C10orf105: variants seen among roughly 807,000 people sequenced by gnomAD.
C10orf105 encodes chromosome 10 open reading frame 105, also known as uncharacterized protein C10orf105.
In C10orf105, 2 loss-of-function variants were observed where a neutral mutation model predicts 0.6. That is an observed-to-expected ratio of 3.18 (90% CI 1.30 to 10.01). The LOEUF (loss-of-function observed/expected upper bound fraction) is 10.01. Ranked by LOEUF, C10orf105 falls within the 30% of genes most tolerant of loss-of-function variation. The pLI, the probability that C10orf105 is intolerant of heterozygous loss-of-function variation, is 0.04. For missense variants in C10orf105, 209 were observed against 191.4 expected (o/e 1.09, Z -0.54); for synonymous variants, 95 against 82.4 (o/e 1.15, Z -0.83).
chr10:71,728,433 C>T (rs1346583570), intron 1 of C10orf105, among the ~76,000 whole-genome samples: 1 of 152,192 alleles, frequency 6.6e-6, no homozygotes, highest in Non-Finnish European at 1.5e-5. Flanking sequence ...ACCCTCCCCA[C>T]CCCAGAGTCC....
In C10orf105 at chr10:71,713,377, G is replaced by A; in HGVS notation, c.*2559C>T. On this transcript the variant is annotated 3_prime_UTR_variant, in exon 2 of 2. Transcript: ENST00000441508. ...AGAGGCCTCAGTTGCTGGGTGGGGA[G>A]GGAGGCCCGGAGTGAATGAGTCTCT... 1.4e-6 allele frequency: 1 copy of A among 730,928 alleles called. No individual in the cohort carries two copies. Among genetic ancestry groups the A allele is most frequent in the Non-Finnish European group, 2.5e-6 (1 of 396,174 alleles). 45.3% of individuals were successfully genotyped at this position (730,928 alleles called of 1,614,324 possible).
Position 71,713,062 on chromosome 10 carries a change from C to T in C10orf105, c.*2874G>A. ...CCCCACAAACAGGAGGAAGACTTGG[C>T]CTCCCCCTGCATATCTCCCGCCCCA... On this transcript the variant is annotated 3_prime_UTR_variant, in exon 2 of 2. Transcript: ENST00000441508. 2.7e-6 allele frequency: 2 copies of T among 740,880 alleles called. No homozygotes were observed. The highest frequency in any genetic ancestry group is 5.0e-6 in the Non-Finnish European group (2 of 399,216). 45.9% of individuals were successfully genotyped at this position (740,880 alleles called of 1,614,324 possible).
At chr10:71,730,449 C>T in intron 1 of C10orf105, 3 of 1,612,498 alleles carry the variant, frequency 1.9e-6, no homozygotes, top group Non-Finnish European at 2.5e-6. Flanking sequence ...GACCTTGCAC[C>T]CCTGGCCCGG....
chr10:71,730,056 G>A (rs1348157276), intron 1 of C10orf105, among the ~76,000 whole-genome samples: 3 of 152,014 alleles, frequency 2.0e-5, no homozygotes, highest in Non-Finnish European at 4.4e-5. Flanking sequence ...GGATGGTCTC[G>A]ATCTTCTGAC....
chr10:71,725,315 A>T lies in C10orf105; in HGVS notation c.-5-8973T>A, dbSNP rs963009294. On this transcript the variant is annotated intron_variant, in intron 1 of 1. Transcript: ENST00000398786. ...CTGCCCCCAACCATGGCAGGCCAGC[A>T]CAGCAGGAGACTTCTGGGCAGGGCC... 57 of 1,611,878 alleles carry T rather than the reference A, an allele frequency of 3.5e-5. No homozygotes were observed. The Admixed American group carries it at 9.2e-4, about 26-fold the overall frequency.
At position 71,712,848 on chromosome 10, in the gene C10orf105, G is replaced by C; in HGVS notation, c.*3088C>G. The stretch of plus-strand genomic sequence containing the variant: ...CCGTGGCCTCTGGGGCAGGTGGTGG[G>C]CTGGGGGAGGCGGAGCCACACACGG... On this transcript the variant is annotated 3_prime_UTR_variant, in exon 2 of 2. Coordinates refer to ENST00000441508, the MANE Select transcript of C10orf105 (RefSeq NM_001164375.3). 1 of 1,599,780 alleles carries C rather than the reference G, an allele frequency of 6.3e-7. No homozygotes were observed. Among genetic ancestry groups the C allele is most frequent in the Non-Finnish European group, 8.5e-7 (1 of 1,173,420 alleles).
Position 71,716,233 on chromosome 10 carries a change from G to C in C10orf105, c.105C>G (p.Pro35=). ...TPGTLAEATD[P]LPMLIALACI... ...AGGCCAGGGCGATGAGCATGGGGAG[G>C]GGGTCAGTTGCCTCTGCAAGGGTCC... is the stretch of plus-strand genomic sequence containing the variant. The change falls in exon 2 of 2, where the codon CCC becomes CCG. Residue 35 remains proline (P), a synonymous_variant. Coordinates refer to ENST00000441508, the MANE Select transcript of C10orf105 (RefSeq NM_001164375.3). 6.4e-7 allele frequency: 1 copy of C among 1,550,442 alleles called. No homozygotes were observed. The highest frequency in any genetic ancestry group is 8.7e-7 in the Non-Finnish European group (1 of 1,146,472).
chr10:71,732,458 C>CTCTT, intron 1 of C10orf105: 1 of 1,523,556 alleles, frequency 6.6e-7, no homozygotes, highest in Non-Finnish European at 8.8e-7. Flanking sequence ...CAGCACTCTC[C>CTCTT]TCTTTGTCAT....
At chr10:71,725,686 A>T (rs540637080) in intron 1 of C10orf105, among the ~76,000 whole-genome samples, 1 of 152,304 alleles carries the variant, frequency 6.6e-6, no homozygotes, top group African/African-American at 2.4e-5. Flanking sequence ...CCAGCCTGGG[A>T]CTTGGACTTG....
rs934203614 is a variant in C10orf105, at chr10:71,712,957, G to C, written c.*2979C>G. 14 of 984,464 alleles carry C rather than the reference G, an allele frequency of 1.4e-5. No homozygotes were observed. The highest frequency in any genetic ancestry group is 2.0e-5 in the Non-Finnish European group (13 of 639,010). The allele number at this position is 984,464 out of a possible 1,614,324, so 61.0% of individuals were successfully genotyped here. A position where few individuals can be genotyped will look rare whatever the true frequency, so the allele number is the denominator to read the frequency against. On this transcript the variant is annotated 3_prime_UTR_variant, in exon 2 of 2. Coordinates refer to ENST00000441508, the MANE Select transcript of C10orf105 (RefSeq NM_001164375.3). Reference sequence around the variant, plus strand: ...GTCCGCTGCTCTGGAAGGTGCTGTGGGGAAAGGGGGACCCAGGCCCTCTCC... The same window carrying C: ...GTCCGCTGCTCTGGAAGGTGCTGTGCGGAAAGGGGGACCCAGGCCCTCTCC...
At chr10:71,724,067 A>G (rs1320553755), upstream of C10orf105, 1 of 1,560,822 alleles carries the variant, frequency 6.4e-7, no homozygotes, top group Admixed American at 1.9e-5. Context: ...GACGCAGATG[A>G]GGGCGAGTTT....
At chr10:71,725,526 G>C (rs1589376491) in intron 1 of C10orf105, 1 of 1,611,328 alleles carries the variant, frequency 6.2e-7, no homozygotes, top group Non-Finnish European at 8.5e-7. Context: ...TCAGGGTGAG[G>C]CTAGGGGCGG....
At chr10:71,729,260 G>A (rs1866953723) in intron 1 of C10orf105, among the ~76,000 whole-genome samples, 1 of 152,182 alleles carries the variant, frequency 6.6e-6, no homozygotes, top group Non-Finnish European at 1.5e-5. Flanking sequence ...AACAGCCACT[G>A]CCTTGGATGG....
At chr10:71,732,253 C>T in intron 1 of C10orf105, 2 of 1,613,764 alleles carry the variant, frequency 1.2e-6, no homozygotes, top group Non-Finnish European at 1.7e-6. Context: ...GAATCTGGCA[C>T]TGGGTACTGA....
At chr10:71,733,035 C>T (rs137871600) in intron 1 of C10orf105, among the ~76,000 whole-genome samples, 235 of 152,258 alleles carry the variant, frequency 1.5e-3, no homozygotes, top group African/African-American at 5.4e-3. Context: ...AGCTGCCAAT[C>T]ACAACCTCTA....
Position 71,713,217 on chromosome 10 carries a change from C to G in C10orf105, c.*2719G>C. 1 of 779,152 alleles carries G rather than the reference C, an allele frequency of 1.3e-6. No individual in the cohort carries two copies. Among genetic ancestry groups the G allele is most frequent in the Admixed American group, 1.7e-5 (1 of 58,936 alleles). The allele number at this position is 779,152 out of a possible 1,614,324, so 48.3% of individuals were successfully genotyped here. On this transcript the variant is annotated 3_prime_UTR_variant, in exon 2 of 2. Transcript: ENST00000441508. ...TTTCACAGAGCCCTTGGCCGAGGCTCCCCTCTTGGGAAGTAAACAGGCACA... is the reference window on the plus strand; with the variant it reads ...TTTCACAGAGCCCTTGGCCGAGGCTGCCCTCTTGGGAAGTAAACAGGCACA...
At chr10:71,732,835 C>G in intron 1 of C10orf105, 1 of 405,484 alleles carries the variant, frequency 2.5e-6, no homozygotes, top group Non-Finnish European at 3.5e-6. Flanking sequence ...AACCAATTAT[C>G]TGACTCTCTT....
At chr10:71,735,226 A>C (rs1042418694) in intron 1 of C10orf105, among the ~76,000 whole-genome samples, 1 of 152,134 alleles carries the variant, frequency 6.6e-6, no homozygotes, top group Non-Finnish European at 1.5e-5. Flanking sequence ...GGTGGGATGC[A>C]CATTGTGGGG....
chr10:71,726,152 T>A (rs1866799405), intron 1 of C10orf105, among the ~76,000 whole-genome samples: 1 of 152,122 alleles, frequency 6.6e-6, no homozygotes, highest in South Asian at 2.1e-4. Context: ...AGCAGGGGGA[T>A]GACTGAGATG....
Sources: allele counts gnomAD v4.1 joint callset (sites outside exome capture counted in the v4.1 genomes callset), GRCh38; gene constraint gnomAD v4.1.1; transcripts MANE v1.5; gene names NCBI Gene and HGNC (gene_info 2026-07-23, HGNC 2026-07-21).